The following NCF2 variants were observed in gnomAD, a reference collection of about 807,000 sequenced individuals.
NCF2 encodes neutrophil cytosol factor 2.
In NCF2, 45 loss-of-function variants were observed where a neutral mutation model predicts 70.9. That is an observed-to-expected ratio of 0.63 (90% CI 0.50 to 0.81). The LOEUF (loss-of-function observed/expected upper bound fraction) is 0.81, where lower values mean the gene tolerates loss of function less well. Among genes scored for constraint, NCF2 ranks in the 40% least tolerant of loss-of-function variants. The pLI is 0.00. For synonymous variants in NCF2, 203 were observed against 233.6 expected, an observed-to-expected ratio of 0.87 and a Z score of 1.19; for missense variants, 522 against 631.6, an observed-to-expected ratio of 0.83 and a Z score of 1.86.
chr1:183,593,485 CCCT>C (rs1166747102), upstream of NCF2, among the ~76,000 whole-genome samples: 1 of 152,074 alleles, frequency 6.6e-6, no homozygotes, highest in Non-Finnish European at 1.5e-5. Flanking sequence ...AGGTCATTTC[CCCT>C]CCTCCTCTCC....
the NCF2 span, among the ~76,000 whole-genome samples, chr1:183,600,419 T>C: frequency 6.6e-6 from 1 of 152,154 alleles, no homozygotes; most frequent in East Asian, 1.9e-4. Flanking sequence ...ATGGGTAATC[T>C]CTCTATTGGC....
chr1:183,588,118 A>G (rs1673454381), intron 1 of NCF2, among the ~76,000 whole-genome samples: 1 of 152,176 alleles, frequency 6.6e-6, no homozygotes, highest in Non-Finnish European at 1.5e-5. Flanking sequence ...GTAGAGTACA[A>G]TTTTACTGTG....
At chr1:183,590,089 G>A in intron 1 of NCF2, 67 bp downstream of exon 1, 2 of 1,605,298 alleles carry the variant, frequency 1.2e-6, no homozygotes, top group Admixed American at 1.7e-5. Context: ...TTTCCGAAAT[G>A]CAATGGGGTT....
At chr1:183,576,647 A>G (rs1478028824) in intron 3 of NCF2, among the ~76,000 whole-genome samples, 1 of 152,226 alleles carries the variant, frequency 6.6e-6, no homozygotes, top group Non-Finnish European at 1.5e-5. Context: ...AGCCAATTCC[A>G]ACTGCAAAGC....
intron 1 of NCF2, among the ~76,000 whole-genome samples, chr1:183,588,778 G>C (rs1673497115): frequency 1.3e-5 from 2 of 152,222 alleles, no homozygotes; most frequent in Admixed American, 1.3e-4. Flanking sequence ...AGAAGCAGAG[G>C]AATGCCAGGA....
At chr1:183,565,157 G>A (rs1340078861) in intron 10 of NCF2, among the ~76,000 whole-genome samples, 1 of 152,174 alleles carries the variant, frequency 6.6e-6, no homozygotes, top group Non-Finnish European at 1.5e-5. Context: ...CACTCACTCT[G>A]CGTCTCTACC....
intron 4 of NCF2, 70 bp from the exon 5 acceptor site, chr1:183,573,362 A>G (rs1213143402): frequency 7.5e-7 from 1 of 1,332,764 alleles, no homozygotes; most frequent in Non-Finnish European, 1.1e-6. Flanking sequence ...TGCCTCCCTC[A>G]GTGAATAGAT....
rs1314510473 is a variant in NCF2, at chr1:183,583,721, C to T, written c.257+3174G>A. Among the ~76,000 whole-genome samples, 6 of 152,148 alleles carry T rather than the reference C, an allele frequency of 3.9e-5. No homozygotes were observed. In the South Asian group the frequency reaches 6.2e-4, roughly 16 times the overall value. ...AAGGAGGCTCAAAAGAGGGAGCAGA[C>T]GCTGCCTTAGTGGTTGGGCATGGCT... On this transcript the variant is annotated intron_variant, in intron 2 of 14. Transcript: ENST00000367535.
chr1:183,574,104 C>T (rs1672692363), intron 4 of NCF2, among the ~76,000 whole-genome samples: 1 of 152,150 alleles, frequency 6.6e-6, no homozygotes, highest in African/African-American at 2.4e-5. Flanking sequence ...CAAAACAAAA[C>T]ATTTTTGCTG....
chr1:183,588,730 G>A (rs1304898420), intron 1 of NCF2, among the ~76,000 whole-genome samples: 1 of 152,178 alleles, frequency 6.6e-6, no homozygotes, highest in Non-Finnish European at 1.5e-5. Flanking sequence ...AAGGGCTCAA[G>A]CAGGAAAACA....
At chr1:183,562,927 C>T (rs1471317561) in intron 13 of NCF2, among the ~76,000 whole-genome samples, 2 of 152,118 alleles carry the variant, frequency 1.3e-5, no homozygotes, top group African/African-American at 4.8e-5. Flanking sequence ...ATGTTTGACA[C>T]AGTCAGGCAG....
intron 2 of NCF2, among the ~76,000 whole-genome samples, chr1:183,585,821 A>T (rs988484494): frequency 6.6e-6 from 1 of 152,166 alleles, no homozygotes; most frequent in African/African-American, 2.4e-5. Flanking sequence ...ATTGAGATTA[A>T]CTTTCATTTT....
the NCF2 span, among the ~76,000 whole-genome samples, chr1:183,599,052 G>A: frequency 6.6e-6 from 1 of 152,162 alleles, no homozygotes; most frequent in East Asian, 1.9e-4. Flanking sequence ...TTACATTTAG[G>A]AACTAGCATG....
In NCF2 at chr1:183,563,562, C is replaced by T; in HGVS notation, c.1050G>A (p.Met350Ile). 6.2e-7 allele frequency: 1 copy of T among 1,613,808 alleles called. No individual in the cohort carries two copies. The highest frequency in any genetic ancestry group is 8.5e-7 in the Non-Finnish European group (1 of 1,180,026). The change falls in exon 12 of 15, where the codon ATG becomes ATA. Residue 350 changes from methionine to isoleucine, a missense_variant. Met to Ile is a conservative substitution (Grantham distance 10). Transcript: ENST00000367535. Reference protein sequence around the residue: ...EPKEVKLSVPMPYTLKVHYKY... With the variant: ...EPKEVKLSVPIPYTLKVHYKY... ...TGTAGTGCACCTTGAGTGTGTAGGGCATGGGAACACTGAGCTTCACTTCCT... is the reference window on the plus strand; with the variant it reads ...TGTAGTGCACCTTGAGTGTGTAGGGTATGGGAACACTGAGCTTCACTTCCT...
intron 2 of NCF2, among the ~76,000 whole-genome samples, chr1:183,582,094 T>C (rs1160750061): frequency 6.6e-6 from 1 of 152,244 alleles, no homozygotes; most frequent in Non-Finnish European, 1.5e-5. Context: ...TGAAGGGGGT[T>C]CCGCTTTGAC....
chr1:183,596,604 T>C, the NCF2 span, among the ~76,000 whole-genome samples: 1 of 151,632 alleles, frequency 6.6e-6, no homozygotes, highest in Non-Finnish European at 1.5e-5. Flanking sequence ...AAACCCTGTC[T>C]CTACTAAAAA....
intron 2 of NCF2, among the ~76,000 whole-genome samples, chr1:183,584,654 C>G (rs996611596): frequency 2.0e-5 from 3 of 152,052 alleles, no homozygotes; most frequent in African/African-American, 7.3e-5. Flanking sequence ...TAAGGAATGA[C>G]CTTAGAGTTT....
At chr1:183,568,256 G>A (rs1222075952) in intron 7 of NCF2, among the ~76,000 whole-genome samples, 1 of 151,800 alleles carries the variant, frequency 6.6e-6, no homozygotes, top group Non-Finnish European at 1.5e-5. Context: ...TCCACCTCCT[G>A]AGTGCAAGTG....
At chr1:183,590,061 A>T in intron 1 of NCF2, 95 bp downstream of exon 1, 1 of 1,577,106 alleles carries the variant, frequency 6.3e-7, no homozygotes. Flanking sequence ...GTTCTTTTCA[A>T]TCTCCCCAGA....
Sources: allele counts gnomAD v4.1 joint callset (sites outside exome capture counted in the v4.1 genomes callset), GRCh38; gene constraint gnomAD v4.1.1; transcripts MANE v1.5; gene names NCBI Gene and HGNC (gene_info 2026-07-23, HGNC 2026-07-21).